TEX11: variants seen among roughly 807,000 people sequenced by gnomAD.
TEX11 encodes testis-expressed protein 11.
A neutral mutation model predicts 84.4 loss-of-function variants in TEX11; 7 were observed. That is an observed-to-expected ratio of 0.08 (90% CI 0.05 to 0.16). The LOEUF (loss-of-function observed/expected upper bound fraction) is 0.16, where lower values mean the gene tolerates loss of function less well. Ranked by LOEUF, TEX11 falls within the 10% of genes least tolerant of loss-of-function variation. TEX11 has a pLI of 1.00. For missense variants in TEX11, 551 were observed against 660.5 expected (o/e 0.83, Z 1.82); for synonymous variants, 264 against 222.8 (o/e 1.18, Z -1.64).
intron 11 of TEX11, among the ~76,000 whole-genome samples, chrX:70,735,304 A>G (rs1431946162): frequency 1.8e-5 from 2 of 111,753 alleles, no homozygotes; most frequent in Non-Finnish European, 3.8e-5. Context: ...CACCCACCTC[A>G]GCCTCCCAAA....
At position 70,605,441 on chromosome X, in the gene TEX11, T is replaced by C; in HGVS notation, c.2027A>G (p.Asp676Gly). The C allele has an allele frequency of 1.7e-6, 2 of 1,209,899 alleles. No individual in the cohort carries two copies. The highest frequency in any genetic ancestry group is 2.2e-6 in the Non-Finnish European group (2 of 894,120). Residue 676 changes from aspartate to glycine, a missense_variant, in exon 24 of 30, where the codon GAT (aspartate) becomes GGT (glycine). Asp to Gly is a moderately conservative substitution (Grantham distance 94). Coordinates refer to ENST00000374333, the MANE Select transcript of TEX11 (RefSeq NM_031276.3). The part of the protein sequence containing the change: ...KTCLLMAVAV[D>G]LEQGRKASTA... ...TGAAGCTTTTCTCCCTTGCTCTAGA[T>C]CAACTGCAACTGCCATAAGTAAACA...
chrX:70,671,645 G>T (rs1208817855), intron 15 of TEX11, among the ~76,000 whole-genome samples: 1 of 107,806 alleles, frequency 9.3e-6, no homozygotes, highest in African/African-American at 3.4e-5. Flanking sequence ...AAGAGAATAC[G>T]AATATCATTC....
At chrX:70,616,763 T>C (rs924650509) in intron 20 of TEX11, among the ~76,000 whole-genome samples, 6 of 111,745 alleles carry the variant, frequency 5.4e-5, no homozygotes, top group Non-Finnish European at 1.1e-4. Context: ...TTAAATGAAA[T>C]AAGCCAGGCA....
intron 25 of TEX11, among the ~76,000 whole-genome samples, chrX:70,577,863 G>A (rs2088699727): frequency 9.1e-6 from 1 of 109,979 alleles, no homozygotes; most frequent in African/African-American, 3.3e-5. Flanking sequence ...AAGTAGCTGG[G>A]ATTACAGGTA....
chrX:70,804,971 C>CTTTTTTTT (rs748863855), intron 9 of TEX11, among the ~76,000 whole-genome samples: 2 of 68,199 alleles, frequency 2.9e-5, no homozygotes, highest in Non-Finnish European at 5.2e-5. Context: ...CACCAGCATC[C>CTTTTTTTT]TTTTTTTTTT....
intron 13 of TEX11, among the ~76,000 whole-genome samples, chrX:70,713,607 A>C (rs1467834481): frequency 1.3e-4 from 14 of 111,723 alleles, no homozygotes; most frequent in African/African-American, 4.5e-4. Flanking sequence ...CTCTGATGGT[A>C]GTTTGTATTT....
chrX:70,889,702 G>A (rs994130001), intron 2 of TEX11, among the ~76,000 whole-genome samples: 1 of 111,646 alleles, frequency 9.0e-6, no homozygotes, highest in African/African-American at 3.2e-5. Flanking sequence ...TTTATGCAGA[G>A]TGCTAAGTTG....
At chrX:70,630,122 C>T (rs1230156356) in intron 17 of TEX11, among the ~76,000 whole-genome samples, 2 of 110,748 alleles carry the variant, frequency 1.8e-5, no homozygotes, top group Middle Eastern at 4.6e-3. Context: ...ACCATCCTGG[C>T]TAACACGGTG....
intron 11 of TEX11, 119 bp downstream of exon 11, chrX:70,740,582 A>G (rs2090726780): frequency 2.4e-6 from 1 of 415,672 alleles, no homozygotes; most frequent in Non-Finnish European, 4.0e-6. Flanking sequence ...GTGCTATAGA[A>G]GAGATTATAA....
chrX:70,632,331 C>T lies in TEX11; in HGVS notation c.1484-2596G>A, dbSNP rs894116143. On this transcript the variant is annotated intron_variant, in intron 17 of 29. Coordinates refer to ENST00000374333, the MANE Select transcript of TEX11 (RefSeq NM_031276.3). Reference sequence around the variant, plus strand: ...AGAATGGATATGATAAAGATCAGAACGTAAATAAATTAAATAGAAATCAGA... The same window carrying T: ...AGAATGGATATGATAAAGATCAGAATGTAAATAAATTAAATAGAAATCAGA... Among the ~76,000 whole-genome samples the T allele has an allele frequency of 1.2e-4, 13 of 110,964 alleles. No homozygotes were observed. The East Asian group carries it at 2.8e-3, about 24-fold the overall frequency.
At chrX:70,757,697 G>GA in intron 9 of TEX11, among the ~76,000 whole-genome samples, 1 of 111,676 alleles carries the variant, frequency 9.0e-6, no homozygotes, top group Non-Finnish European at 1.9e-5. Flanking sequence ...TCTATGCTAG[G>GA]AAAAAACTGC....
the TEX11 span, among the ~76,000 whole-genome samples, chrX:70,522,951 G>T: frequency 9.6e-6 from 1 of 104,595 alleles, no homozygotes; most frequent in South Asian, 4.4e-4. Context: ...TGTCAGGAAG[G>T]CCTGGCCCAA....
At chrX:70,855,385 C>CA (rs1363902448) in intron 5 of TEX11, among the ~76,000 whole-genome samples, 1 of 109,071 alleles carries the variant, frequency 9.2e-6, no homozygotes, top group African/African-American at 3.3e-5. Context: ...GGCAATATGG[C>CA]AAAACCCCAT....
chrX:70,605,955 T>A (rs1008555148), intron 23 of TEX11, among the ~76,000 whole-genome samples: 1 of 112,093 alleles, frequency 8.9e-6, no homozygotes, highest in African/African-American at 3.2e-5. Context: ...GCATTAGTCA[T>A]GACCTCATCA....
Position 70,569,406 on chromosome X carries a change from C to T in TEX11, c.2141-14606G>A, listed in dbSNP as rs751581046. Among the ~76,000 whole-genome samples, 7 of 112,251 alleles carry T rather than the reference C, an allele frequency of 6.2e-5. No homozygotes were observed. The East Asian group carries it at 8.4e-4, about 13-fold the overall frequency. On this transcript the variant is annotated intron_variant, in intron 25 of 29. Transcript: ENST00000374333. The stretch of plus-strand genomic sequence containing the variant: ...TGTCTGAAGCCTTCTTCTCTCACCT[C>T]GTCAAAGTCCTTCTCCGTCCAGCTT...
chrX:70,798,553 A>G (rs2091169247), intron 9 of TEX11, among the ~76,000 whole-genome samples: 1 of 112,222 alleles, frequency 8.9e-6, no homozygotes, highest in Non-Finnish European at 1.9e-5. Context: ...AAAAAGAACA[A>G]AGCTGGAGCC....
At chrX:70,854,861 T>A (rs1272686853) in intron 5 of TEX11, among the ~76,000 whole-genome samples, 1 of 105,834 alleles carries the variant, frequency 9.4e-6, no homozygotes, top group African/African-American at 3.5e-5. Context: ...GCCTGGGCAA[T>A]ACGGTGAGAC....
intron 11 of TEX11, among the ~76,000 whole-genome samples, chrX:70,727,568 T>G (rs1160363951): frequency 8.9e-6 from 1 of 111,850 alleles, no homozygotes; most frequent in East Asian, 2.8e-4. Context: ...TCTTTATATA[T>G]ACACAATATA....
At chrX:70,804,382 T>C (rs2091206409) in intron 9 of TEX11, among the ~76,000 whole-genome samples, 1 of 112,384 alleles carries the variant, frequency 8.9e-6, no homozygotes, top group Admixed American at 9.4e-5. Context: ...CTACAATTCC[T>C]ACAGTTAATA....
Sources: allele counts gnomAD v4.1 joint callset (sites outside exome capture counted in the v4.1 genomes callset), GRCh38; gene constraint gnomAD v4.1.1; transcripts MANE v1.5; gene names NCBI Gene and HGNC (gene_info 2026-07-23, HGNC 2026-07-21).